JAG2: variants seen among roughly 807,000 people sequenced by gnomAD.
The protein encoded by JAG2 is protein jagged-2.
In JAG2, 46 loss-of-function variants were observed where a neutral mutation model predicts 141.7. The ratio of observed to expected loss-of-function variants is 0.32; its 90% CI spans 0.26 to 0.42. JAG2 has a LOEUF of 0.42. Among genes scored for constraint, JAG2 ranks in the 10% least tolerant of loss-of-function variants. The pLI, the probability that JAG2 is intolerant of heterozygous loss-of-function variation, is 1.00. For synonymous variants in JAG2, 862 were observed against 763.5 expected (o/e 1.13, Z -2.13); for missense variants, 1,500 against 1,817.5 (o/e 0.83, Z 3.18).
At chr14:105,149,446 G>A in intron 12 of JAG2, 126 bp from the exon 13 acceptor site, 1 of 1,193,682 alleles carries the variant, frequency 8.4e-7, no homozygotes, top group South Asian at 1.4e-5. Flanking sequence ...GGGCCTAACA[G>A]TGCCAGCCAG....
chr14:105,162,802 G>C (rs898055042), intron 2 of JAG2, among the ~76,000 whole-genome samples: 13 of 140,136 alleles, frequency 9.3e-5, no homozygotes, highest in Non-Finnish European at 3.1e-5. Context: ...CAAAGCTCAG[G>C]GCACTCCAGG....
chr14:105,168,439 G>T lies in JAG2; in HGVS notation c.-19C>A, dbSNP rs1945732640. 2.0e-5 allele frequency: 11 copies of T among 562,692 alleles called. No individual in the cohort carries two copies. The South Asian group carries it at 5.7e-4, about 29-fold the overall frequency. 34.9% of individuals were successfully genotyped at this position (562,692 alleles called of 1,614,324 possible). On this transcript the variant is annotated 5_prime_UTR_variant, in exon 1 of 26. Transcript: ENST00000331782. ...CCCGCATTGCCCCCGCGACCCGCCC[G>T]CCCGGCCCCGCCGCCGCCGCCCGCG...
chr14:105,157,759 G>A lies in JAG2; in HGVS notation c.422C>T (p.Ser141Phe), dbSNP rs1384148730. 1 of 1,576,528 alleles carries A rather than the reference G, an allele frequency of 6.3e-7. No homozygotes were observed. Residue 141 changes from serine to phenylalanine, a missense_variant, in exon 3 of 26, where the codon TCC becomes TTC. By Grantham distance (155) the Ser-to-Phe change is radical. Around this residue, in one of 3 missense-constraint regions of JAG2, gnomAD observed 875 missense variants for 1,202.2 expected, o/e 0.73. Coordinates refer to ENST00000331782, the MANE Select transcript of JAG2 (RefSeq NM_002226.5). ...CCAGGCCTCCACGATGAGGGTAAAG[G>A]AGCGCTGCAGACATGGGGAGGCGGG... ...VIPFQFAWPR[S>F]FTLIVEAWDW...
intron 24 of JAG2, among the ~76,000 whole-genome samples, chr14:105,144,255 C>T (rs1888155701): frequency 6.6e-6 from 1 of 152,012 alleles, no homozygotes; most frequent in South Asian, 2.1e-4. Flanking sequence ...CCCCTGCCTC[C>T]ACCACATCCC....
Position 105,142,900 on chromosome 14 carries a change from T to G in JAG2, c.3512A>C (p.His1171Pro). 6.2e-7 allele frequency: 1 copy of G among 1,602,606 alleles called. No homozygotes were observed. Among genetic ancestry groups the G allele is most frequent in the Non-Finnish European group, 8.5e-7 (1 of 1,174,726 alleles). ...ADEALPGPAGHAAVREDEEDE... is the reference protein window; with the variant it reads ...ADEALPGPAGPAAVREDEEDE... The stretch of plus-strand genomic sequence containing the variant: ...CTCCTCATCCTCCCTGACGGCCGCG[T>G]GGCCGGCCGGCCCGGGCAGCGCCTC... Residue 1171 changes from histidine (H) to proline (P), a missense_variant, in exon 26 of 26, where the codon CAC becomes CCC. Physicochemically the swap from His to Pro is moderately conservative, Grantham distance 77. This residue lies in a region of JAG2 where 425 missense variants were observed against 441.0 expected (regional missense o/e 0.96). Transcript: ENST00000331782.
In JAG2 at chr14:105,148,345, C is replaced by T; in HGVS notation, c.2115G>A (p.Lys705=). ...DFYCACDDGW[K]GKTCHSREFQ... ...ACTCACGTGAGTGGCAGGTCTTGCC[C>T]TTCCAGCCGTCGTCGCACGCACAGT... Residue 705 remains lysine (K), a synonymous_variant, in exon 16 of 26, where the codon AAG becomes AAA. Transcript: ENST00000331782. 1.2e-6 allele frequency: 2 copies of T among 1,608,890 alleles called. No homozygotes were observed. The highest frequency in any genetic ancestry group is 2.2e-5 in the East Asian group (1 of 44,536).
Position 105,146,446 on chromosome 14 carries a change from C to A in JAG2, c.2648G>T (p.Ser883Ile), listed in dbSNP as rs1382590333. The change falls in exon 22 of 26, where the codon AGC becomes ATC. Residue 883 changes from serine to isoleucine, a missense_variant. Physicochemically the swap from Ser to Ile is moderately radical, Grantham distance 142. Around this residue, in one of 3 missense-constraint regions of JAG2, gnomAD observed 875 missense variants for 1,202.2 expected, o/e 0.73. Transcript: ENST00000331782. ...WSRGTPFPHG[S>I]SWVEDCNSCR... ...GCTGTTGCAGTCTTCCACCCAGGAG[C>A]TTCCGTGTGGGAACGGAGTGCCCCG... The A allele has an allele frequency of 1.9e-6, 3 of 1,612,754 alleles. No homozygotes were observed. The highest frequency in any genetic ancestry group is 1.7e-6 in the Non-Finnish European group (2 of 1,179,886).
chr14:105,147,990 G>A (rs1253074904), intron 17 of JAG2, 102 bp from the exon 18 acceptor site: 15 of 1,106,470 alleles, frequency 1.4e-5, no homozygotes, highest in East Asian at 1.0e-4. Context: ...AGACCCGGGG[G>A]CAGGGGGCAG....
chr14:105,159,065 G>A (rs903147034), intron 2 of JAG2, among the ~76,000 whole-genome samples: 9 of 151,694 alleles, frequency 5.9e-5, no homozygotes, highest in African/African-American at 1.2e-4. Context: ...GCACTCCCAC[G>A]TCCAGCCCCT....
Position 105,142,974 on chromosome 14 carries a change from G to A in JAG2, c.3438C>T (p.Asp1146=), listed in dbSNP as rs758237526. ...TGAAGTTCTTGCACTGGTAGAGCAC[G>A]TCCTTGTGGCCCCCCGGCCGCTCAA... ...NPIERPGGHK[D]VLYQCKNFTP... is the part of the protein sequence containing the mutation. The change falls in exon 26 of 26, where the codon GAC becomes GAT. Residue 1146 remains aspartate, a synonymous_variant. Coordinates refer to ENST00000331782, the MANE Select transcript of JAG2 (RefSeq NM_002226.5). The A allele has an allele frequency of 1.9e-5, 31 of 1,610,016 alleles. No individual in the cohort carries two copies. The Admixed American group carries it at 2.2e-4, about 11-fold the overall frequency.
In JAG2 at chr14:105,151,348, A is replaced by G; in HGVS notation, c.1202T>C (p.Val401Ala). The G allele has an allele frequency of 6.2e-7, 1 of 1,612,612 alleles. No individual in the cohort carries two copies. Among genetic ancestry groups the G allele is most frequent in the Non-Finnish European group, 8.5e-7 (1 of 1,179,996 alleles). ...GCACTCAAAGCCGTCCACCTGGTCC[A>G]CACAGGTGCCACCGGCCGCACACGG... ...SNPCAAGGTC[V>A]DQVDGFECIC... The change falls in exon 9 of 26, where the codon GTG becomes GCG. Residue 401 changes from valine (V) to alanine (A), a missense_variant. By Grantham distance (64) the Val-to-Ala change is moderately conservative. Transcript: ENST00000331782.
chr14:105,166,412 C>A (rs1025192589), intron 2 of JAG2, among the ~76,000 whole-genome samples: 2 of 152,370 alleles, frequency 1.3e-5, no homozygotes, highest in African/African-American at 2.4e-5. Context: ...GCTGCACCGC[C>A]GTGGGGGCGA....
intron 22 of JAG2, 38 bp downstream of exon 22, chr14:105,146,347 C>A (rs1490337690): frequency 6.4e-7 from 1 of 1,559,482 alleles, no homozygotes; most frequent in African/African-American, 1.4e-5. Flanking sequence ...CGTGCACCAG[C>A]CTCGGGTAGG....
At position 105,149,242 on chromosome 14, in the gene JAG2, C is replaced by T. The variant is rs778932650; in HGVS notation, c.1681G>A (p.Ala561Thr). Residue 561 changes from alanine (A) to threonine (T), a missense_variant, in exon 13 of 26, where the codon GCC becomes ACC. Transcript: ENST00000331782. ...CYNLEGDYYC[A>T]CPDDFGGKNC... ...TTGCCACCAAAGTCATCAGGGCAGG[C>T]GCAGTAATAGTCACCCTCCAGGTTA... is the stretch of plus-strand genomic sequence containing the variant. 8.1e-6 allele frequency: 13 copies of T among 1,612,396 alleles called. No homozygotes were observed. The highest frequency in any genetic ancestry group is 5.5e-5 in the South Asian group (5 of 91,084).
In JAG2 at chr14:105,168,376, C is replaced by G. The variant is rs776770575; in HGVS notation, c.45G>C (p.Leu15=). 1.2e-4 allele frequency: 119 copies of G among 1,031,192 alleles called. 1 individual carries two copies. The East Asian group carries it at 5.7e-3, about 49-fold the overall frequency. 63.9% of individuals were successfully genotyped at this position (1,031,192 alleles called of 1,614,324 possible). Residue 15 remains leucine, a synonymous_variant, in exon 1 of 26, where the codon CTG becomes CTC. Transcript: ENST00000331782. The stretch of plus-strand genomic sequence containing the variant: ...TCACCTGCACCCAGAGCGCCAGCAG[C>G]AGCAGCAGCCGCCGGGGAAGGCGCC... The part of the protein sequence containing the change: ...GRGRLPRRLL[L]LLALWVQAAR...
intron 2 of JAG2, among the ~76,000 whole-genome samples, chr14:105,165,989 C>T (rs959584672): frequency 2.0e-5 from 3 of 152,166 alleles, no homozygotes; most frequent in Non-Finnish European, 2.9e-5. Context: ...CGGCACAGCT[C>T]CCGCCCGGCA....
chr14:105,160,381 C>T (rs1888712065), intron 2 of JAG2, among the ~76,000 whole-genome samples: 1 of 131,558 alleles, frequency 7.6e-6, no homozygotes, highest in Non-Finnish European at 1.6e-5. Flanking sequence ...CCAAGCCCTT[C>T]CCCACCCCCG....
At chr14:105,161,997 C>A (rs1227048300) in intron 2 of JAG2, among the ~76,000 whole-genome samples, 1 of 152,146 alleles carries the variant, frequency 6.6e-6, no homozygotes, top group East Asian at 1.9e-4. Flanking sequence ...CTGGATTGGG[C>A]GGGGGTTGGC....
At chr14:105,147,080 C>T (rs1196537503) in intron 20 of JAG2, 13 of 609,292 alleles carry the variant, frequency 2.1e-5, no homozygotes, top group Non-Finnish European at 8.8e-6. Context: ...CACGCTCCAA[C>T]CCCCACAGCT....
Sources: allele counts gnomAD v4.1 joint callset (sites outside exome capture counted in the v4.1 genomes callset), GRCh38; gene constraint gnomAD v4.1.1; regional missense constraint gnomAD v4.1.1; transcripts MANE v1.5; gene names NCBI Gene and HGNC (gene_info 2026-07-23, HGNC 2026-07-21).